GOLGA8K: variants seen among roughly 807,000 people sequenced by gnomAD.
GOLGA8K encodes the protein golgin subfamily A member 8K.
Under a neutral mutation model 75.2 loss-of-function variants are expected in GOLGA8K, and 12 were observed. The ratio of observed to expected loss-of-function variants is 0.16; its 90% CI spans 0.10 to 0.26. GOLGA8K has a LOEUF of 0.26. Among genes scored for constraint, GOLGA8K ranks in the 10% least tolerant of loss-of-function variants. The pLI is 1.00. For missense variants in GOLGA8K, 109 were observed against 640.8 expected, an observed-to-expected ratio of 0.17 and a Z score of 8.96; for synonymous variants, 48 against 236.6, an observed-to-expected ratio of 0.20 and a Z score of 7.32.
At chr15:32,397,608 A>T in intron 8 of GOLGA8K, 105 bp from the exon 9 acceptor site, 1 of 1,400,982 alleles carries the variant, frequency 7.1e-7, no homozygotes. Flanking sequence ...CTCGGTCAGT[A>T]AAGATCAAGG....
intron 11 of GOLGA8K, among the ~76,000 whole-genome samples, 171 bp from the exon 12 acceptor site, chr15:32,396,714 G>A (rs1052918263): frequency 6.7e-6 from 1 of 148,768 alleles, no homozygotes; most frequent in African/African-American, 2.5e-5. Flanking sequence ...AGCACTGCGG[G>A]TGGCTGGCAA....
chr15:32,395,059 C>A (rs1463863163), intron 13 of GOLGA8K, among the ~76,000 whole-genome samples: 1 of 148,698 alleles, frequency 6.7e-6, no homozygotes, highest in East Asian at 2.0e-4. Flanking sequence ...TGCAGGAAGA[C>A]CCTGGGTGTG....
At chr15:32,395,554 T>A (rs1383964071) in intron 13 of GOLGA8K, among the ~76,000 whole-genome samples, 1 of 148,384 alleles carries the variant, frequency 6.7e-6, no homozygotes, top group African/African-American at 2.4e-5. Context: ...TAATTTTTTT[T>A]TTTTTTTTGT....
In GOLGA8K at chr15:32,398,235, G is replaced by A. The variant is rs1469080519; in HGVS notation, c.591+325C>T. On this transcript the variant is annotated intron_variant, in intron 8 of 18. Coordinates refer to ENST00000512626, the MANE Select transcript of GOLGA8K (RefSeq NM_001282493.2). ...TCTACAGAAATGGTAACATACTAAA[G>A]GTACTCTTCTGTACCTTCACAGTAC... 3.5e-5 allele frequency among the ~76,000 whole-genome samples: 5 copies of A among 144,390 alleles called. No homozygotes were observed. The South Asian group carries it at 1.1e-3, about 32-fold the overall frequency. 94.7% of individuals were successfully genotyped at this position (144,390 alleles called of 152,430 possible). A position where few individuals can be genotyped will look rare whatever the true frequency, so the allele number is the denominator to read the frequency against.
Position 32,394,189 on chromosome 15 carries a change from G to C in GOLGA8K, c.1321C>G (p.Pro441Ala). ...AGGTCCTCTGGGACACTCGGCATGG[G>C]CTGAGGTGCCTCCTCCCCCTCACTG... Reference protein sequence around the residue: ...LDSEGEEAPQPMPSVPEDLES... With the variant: ...LDSEGEEAPQAMPSVPEDLES... Residue 441 changes from proline (P) to alanine (A), a missense_variant, in exon 15 of 19, where the codon CCC becomes GCC. By Grantham distance (27) the Pro-to-Ala change is conservative. Transcript: ENST00000512626. The C allele has an allele frequency of 7.1e-7, 1 of 1,409,244 alleles. No homozygotes were observed. The highest frequency in any genetic ancestry group is 9.4e-7 in the Non-Finnish European group (1 of 1,060,826). The allele number at this position is 1,409,244 out of a possible 1,614,324, so 87.3% of individuals were successfully genotyped here.
chr15:32,396,713 G>A (rs1257474208), intron 11 of GOLGA8K, among the ~76,000 whole-genome samples, 170 bp from the exon 12 acceptor site: 3 of 148,436 alleles, frequency 2.0e-5, no homozygotes, highest in African/African-American at 7.5e-5. Flanking sequence ...GAGCACTGCG[G>A]GTGGCTGGCA....
intron 13 of GOLGA8K, 115 bp downstream of exon 13, chr15:32,395,848 T>C (rs2054605707): frequency 6.6e-7 from 1 of 1,516,522 alleles, no homozygotes; most frequent in African/African-American, 1.4e-5. Flanking sequence ...GGGGGTGCTG[T>C]GGTCACCAGC....
Position 32,393,480 on chromosome 15 carries a change from G to A in GOLGA8K, c.1456C>T (p.Arg486Cys), listed in dbSNP as rs180718996. 1.2e-3 allele frequency: 1,366 copies of A among 1,136,240 alleles called. 298 individuals are homozygous for A. Among genetic ancestry groups the A allele is most frequent in the South Asian group, 7.8e-3 (571 of 72,780 alleles). 70.4% of individuals were successfully genotyped at this position (1,136,240 alleles called of 1,614,324 possible). A position where few individuals can be genotyped will look rare whatever the true frequency, so the allele number is the denominator to read the frequency against. Residue 486 changes from arginine (R) to cysteine (C), a missense_variant, in exon 16 of 19, where the codon CGC becomes TGC. By Grantham distance (180) the Arg-to-Cys change is radical. Transcript: ENST00000512626. ...LCFIHHWRDRRHQKTHHLLSE... is the reference protein window; with the variant it reads ...LCFIHHWRDRCHQKTHHLLSE... ...CCCTGGCCTCCCACTCACTGATGGC[G>A]TCTGTCTCGCCAGTGGTGGATGAAG...
At chr15:32,398,176 A>G (rs2054654980) in intron 8 of GOLGA8K, among the ~76,000 whole-genome samples, 1 of 144,298 alleles carries the variant, frequency 6.9e-6, no homozygotes. Flanking sequence ...ACACACACAC[A>G]CACACACACA....
In GOLGA8K at chr15:32,397,511, G is replaced by C. The variant is rs1431408911; in HGVS notation, c.592-8C>G. ...TTTGCTGCGGCTGGACAACTGGATG[G>C]TGAAGAGTGAGAAGTTTCAATCTGG... On this transcript the variant is annotated splice_polypyrimidine_tract_variant and splice_region_variant and intron_variant, in intron 8 of 18. Coordinates refer to ENST00000512626, the MANE Select transcript of GOLGA8K (RefSeq NM_001282493.2). The C allele has an allele frequency of 2.0e-6, 3 of 1,477,952 alleles. No homozygotes were observed. The highest frequency in any genetic ancestry group is 2.8e-6 in the Non-Finnish European group (3 of 1,070,838). 91.6% of individuals were successfully genotyped at this position (1,477,952 alleles called of 1,614,324 possible). A position where few individuals can be genotyped will look rare whatever the true frequency, so the allele number is the denominator to read the frequency against.
In GOLGA8K at chr15:32,390,278, A is replaced by G. The variant is rs372211110; in HGVS notation, c.*2504T>C. On this transcript the variant is annotated 3_prime_UTR_variant, in exon 19 of 19. Transcript: ENST00000512626. ...CTGCATGCACTTTGGAGAAAGACTT[A>G]AGTTATTGTCATACAATTTCCATTC... is the stretch of plus-strand genomic sequence containing the variant. 2.0e-3 allele frequency among the ~76,000 whole-genome samples: 202 copies of G among 100,682 alleles called. 17 individuals carry two copies. Among genetic ancestry groups the G allele is most frequent in the African/African-American group, 6.1e-3 (179 of 29,244 alleles). The allele number at this position is 100,682 out of a possible 152,430, so 66.1% of individuals were successfully genotyped here. A position where few individuals can be genotyped will look rare whatever the true frequency, so the allele number is the denominator to read the frequency against.
rs2054524507 is a variant in GOLGA8K at position 32,389,884 on chromosome 15, ATAGT to A, written c.*2894_*2897del. Among the ~76,000 whole-genome samples the A allele has an allele frequency of 1.0e-5, 1 of 97,402 alleles. No homozygotes were observed. 63.9% of individuals were successfully genotyped at this position (97,402 alleles called of 152,430 possible). On this transcript the variant is annotated 3_prime_UTR_variant, in exon 19 of 19. Transcript: ENST00000512626. ...ATTAAGATAGCAGTTACATTTTTTA[ATAGT>A]TATATTATTTTAAAATGACTAAGAT...
In GOLGA8K at chr15:32,394,279, G is replaced by A. The variant is rs376917199; in HGVS notation, c.1277-46C>T. The A allele has an allele frequency of 1.9e-5, 20 of 1,049,724 alleles. 2 individuals are homozygous for A. Among genetic ancestry groups the A allele is most frequent in the Non-Finnish European group, 2.8e-5 (20 of 717,118 alleles). The allele number at this position is 1,049,724 out of a possible 1,614,324, so 65.0% of individuals were successfully genotyped here. On this transcript the variant is annotated intron_variant, in intron 14 of 18. Transcript: ENST00000512626. ...GGTCTTCAGACAACCCAACAAGGGAGGTACTGTGGGCCCACCTCTACCTCC... is the reference window on the plus strand; with the variant it reads ...GGTCTTCAGACAACCCAACAAGGGAAGTACTGTGGGCCCACCTCTACCTCC...
rs567841812 is a variant in GOLGA8K, at chr15:32,394,132, G to C, written c.1365+13C>G. 7 of 978,094 alleles carry C rather than the reference G, an allele frequency of 7.2e-6. No individual in the cohort carries two copies. The highest frequency in any genetic ancestry group is 8.5e-6 in the Non-Finnish European group (6 of 709,024). The allele number at this position is 978,094 out of a possible 1,614,324, so 60.6% of individuals were successfully genotyped here. On this transcript the variant is annotated intron_variant, in intron 15 of 18. Coordinates refer to ENST00000512626, the MANE Select transcript of GOLGA8K (RefSeq NM_001282493.2). Reference sequence around the variant, plus strand: ...AAAGGTGGCAAAATGGGTGCAGGGGGAGTCAGGCTCACCATGGCCTCCCTG... The same window carrying C: ...AAAGGTGGCAAAATGGGTGCAGGGGCAGTCAGGCTCACCATGGCCTCCCTG...
chr15:32,395,888 C>T (rs1195918290), intron 13 of GOLGA8K, 75 bp downstream of exon 13: 1 of 1,556,868 alleles, frequency 6.4e-7, no homozygotes, highest in South Asian at 1.1e-5. Context: ...TCTGACCTGG[C>T]ACCTCCCCTC....
intron 13 of GOLGA8K, 85 bp downstream of exon 13, chr15:32,395,878 T>A (rs1411106934): frequency 6.4e-7 from 1 of 1,560,148 alleles, no homozygotes; most frequent in Non-Finnish European, 8.6e-7. Context: ...GGAAGCTGCC[T>A]CTGACCTGGC....
rs190891355 is a variant in GOLGA8K at position 32,394,400 on chromosome 15, G to A, written c.1277-167C>T. 6.6e-4 allele frequency: 484 copies of A among 735,640 alleles called. 65 individuals are homozygous for A. In the African/African-American group the frequency reaches 8.4e-3, roughly 13 times the overall value. 45.6% of individuals were successfully genotyped at this position (735,640 alleles called of 1,614,324 possible). ...TTAAGAATCAAGAGCTTGCTATTCC[G>A]CCCAGGCACACTCCCACTACTGGTC... is the stretch of plus-strand genomic sequence containing the variant. On this transcript the variant is annotated intron_variant, in intron 14 of 18. Transcript: ENST00000512626.
rs1480670089 is a variant in GOLGA8K at position 32,391,397 on chromosome 15, T to C, written c.*1385A>G. Among the ~76,000 whole-genome samples, 4 of 120,638 alleles carry C rather than the reference T, an allele frequency of 3.3e-5. No individual in the cohort carries two copies. The highest frequency in any genetic ancestry group is 1.1e-4 in the African/African-American group (4 of 37,454). The allele number at this position is 120,638 out of a possible 152,430, so 79.1% of individuals were successfully genotyped here. A position where few individuals can be genotyped will look rare whatever the true frequency, so the allele number is the denominator to read the frequency against. On this transcript the variant is annotated 3_prime_UTR_variant, in exon 19 of 19. Transcript: ENST00000512626. The stretch of plus-strand genomic sequence containing the variant: ...TCATGAACAGTAGATTGCACTGCAG[T>C]TTGTACACATTTTAAGTTTCATAAA...
chr15:32,401,691 C>CA lies in GOLGA8K; in HGVS notation c.49-217dup, dbSNP rs1187490922. On this transcript the variant is annotated intron_variant, in intron 1 of 18. Transcript: ENST00000512626. ...AAGGCAATACTGGAACTTTGAAACT[C>CA]AGTCTTCTGACTCCAAGCTCTGAGG... Among the ~76,000 whole-genome samples, 5 of 81,398 alleles carry CA rather than the reference C, an allele frequency of 6.1e-5. No individual in the cohort carries two copies. The East Asian group carries it at 3.0e-3, about 49-fold the overall frequency. The allele number at this position is 81,398 out of a possible 152,430, so 53.4% of individuals were successfully genotyped here.
Sources: gnomAD v4.1 joint callset for allele counts (sites outside exome capture counted in the v4.1 genomes callset) on GRCh38, gnomAD v4.1.1 for gene constraint, MANE v1.5 for transcripts, NCBI Gene and HGNC (gene_info 2026-07-23, HGNC 2026-07-21) for gene names.